The following CACNA2D1 variants were observed in gnomAD, a reference collection of about 807,000 sequenced individuals.
The protein encoded by CACNA2D1 is calcium voltage-gated channel auxiliary subunit alpha2delta 1, also known as voltage-dependent calcium channel subunit alpha-2/delta-1.
Under a neutral mutation model 171.5 loss-of-function variants are expected in CACNA2D1, and 53 were observed. That is an observed-to-expected ratio of 0.31 (90% confidence interval 0.25 to 0.39). The LOEUF is 0.39. CACNA2D1 is among the 10% of genes least tolerant of loss of function. CACNA2D1 has a pLI of 1.00. For synonymous variants in CACNA2D1, 442 were observed against 443.1 expected, an observed-to-expected ratio of 1.00 and a Z score of 0.03; for missense variants, 903 against 1,299.8, an observed-to-expected ratio of 0.69 and a Z score of 4.69.
At chr7:82,295,294 A>C (rs1474154047) in intron 3 of CACNA2D1, among the ~76,000 whole-genome samples, 2 of 152,126 alleles carry the variant, frequency 1.3e-5, no homozygotes, top group African/African-American at 4.8e-5. Context: ...GAGTATAATT[A>C]ATAACAATTT....
At chr7:82,253,490 C>T (rs1443146049) in intron 3 of CACNA2D1, among the ~76,000 whole-genome samples, 2 of 152,114 alleles carry the variant, frequency 1.3e-5, no homozygotes, top group African/African-American at 2.4e-5. Context: ...ATGAGAAAAA[C>T]TGGCTCTGGA....
chr7:81,951,838 C>T lies in CACNA2D1; in HGVS notation c.3160-1330G>A, dbSNP rs138944737. Among the ~76,000 whole-genome samples the T allele has an allele frequency of 5.7e-3, 869 of 152,030 alleles. 4 individuals are homozygous for T. The highest frequency in any genetic ancestry group is 9.4e-3 in the Non-Finnish European group (640 of 67,958). On this transcript the variant is annotated intron_variant, in intron 38 of 38. Transcript: ENST00000356860. ...CTTTTTCATAAAATGACTTCTTTTC[C>T]TCAGGGTAGATACACAGCAGTGGGA...
At chr7:82,129,161 C>A (rs1254595082) in intron 5 of CACNA2D1, among the ~76,000 whole-genome samples, 1 of 152,132 alleles carries the variant, frequency 6.6e-6, no homozygotes, top group African/African-American at 2.4e-5. Flanking sequence ...TCCTAAGCAA[C>A]CAAACTAAAT....
intron 10 of CACNA2D1, among the ~76,000 whole-genome samples, chr7:82,052,233 T>C (rs1032979299): frequency 6.6e-6 from 1 of 152,138 alleles, no homozygotes; most frequent in Non-Finnish European, 1.5e-5. Context: ...AAGTTAACTA[T>C]AGAACCACTC....
At chr7:82,260,197 G>A (rs1806893493) in intron 3 of CACNA2D1, among the ~76,000 whole-genome samples, 1 of 152,000 alleles carries the variant, frequency 6.6e-6, no homozygotes, top group Non-Finnish European at 1.5e-5. Context: ...ACTCCAGGCT[G>A]GGTAACAAGA....
chr7:81,984,749 C>A, intron 21 of CACNA2D1, 38 bp from the exon 22 acceptor site: 1 of 1,056,098 alleles, frequency 9.5e-7, no homozygotes, highest in Non-Finnish European at 1.4e-6. Flanking sequence ...CACAAACAAA[C>A]AAAAATGAAA....
intron 25 of CACNA2D1, among the ~76,000 whole-genome samples, chr7:81,973,652 T>C (rs949994724): frequency 4.6e-5 from 7 of 152,074 alleles, no homozygotes; most frequent in Non-Finnish European, 1.0e-4. Context: ...TATGTGTACT[T>C]ATTCTTTTTT....
Position 81,948,800 on chromosome 7 carries a change from A to G in CACNA2D1, c.*1592T>C, listed in dbSNP as rs1025009559. The G allele has an allele frequency of 1.3e-5, 2 of 152,114 alleles. No homozygotes were observed. The highest frequency in any genetic ancestry group is 2.4e-5 in the African/African-American group (1 of 41,566). 9.4% of individuals were successfully genotyped at this position (152,114 alleles called of 1,614,324 possible). ...TAACTATTCTTAGAATTACACATTCATAGTTTTTACCTTTTCTTCAAATAC... is the reference window on the plus strand; with the variant it reads ...TAACTATTCTTAGAATTACACATTCGTAGTTTTTACCTTTTCTTCAAATAC... On this transcript the variant is annotated 3_prime_UTR_variant, in exon 39 of 39. Coordinates refer to ENST00000356860, the MANE Select transcript of CACNA2D1 (RefSeq NM_000722.4).
At chr7:82,019,589 CT>C (rs1800938156) in intron 12 of CACNA2D1, among the ~76,000 whole-genome samples, 2 of 152,126 alleles carry the variant, frequency 1.3e-5, no homozygotes, top group Admixed American at 1.3e-4. Context: ...CTGACTTCTG[CT>C]AATCTGTTTT....
intron 5 of CACNA2D1, 137 bp downstream of exon 5, chr7:82,136,498 C>A: frequency 1.6e-6 from 1 of 608,984 alleles, no homozygotes; most frequent in South Asian, 2.1e-5. Flanking sequence ...TTCATTATCT[C>A]GTATCTAACT....
Position 81,959,808 on chromosome 7 carries a change from A to T in CACNA2D1, c.2988T>A (p.Leu996=). ...TTATGAATATTAAGTTGGTGTTCAT[A>T]AGCTTTTCTCCATGAAAGATTCTGC... ...NCSRIFHGEK[L]MNTNLIFIMV... Residue 996 remains leucine (L), a synonymous_variant, in exon 37 of 39, where the codon CTT becomes CTA. Coordinates refer to ENST00000356860, the MANE Select transcript of CACNA2D1 (RefSeq NM_000722.4). 1 of 1,612,406 alleles carries T rather than the reference A, an allele frequency of 6.2e-7. No individual in the cohort carries two copies. The highest frequency in any genetic ancestry group is 8.5e-7 in the Non-Finnish European group (1 of 1,178,990).
intron 1 of CACNA2D1, among the ~76,000 whole-genome samples, chr7:82,414,141 C>CCATT (rs1296594560): frequency 6.6e-6 from 1 of 152,074 alleles, no homozygotes; most frequent in African/African-American, 2.4e-5. Flanking sequence ...CTCAAGCAGC[C>CCATT]CATTCACCAA....
At chr7:82,143,337 C>T (rs1312240566) in intron 4 of CACNA2D1, among the ~76,000 whole-genome samples, 1 of 152,048 alleles carries the variant, frequency 6.6e-6, no homozygotes, top group African/African-American at 2.4e-5. Flanking sequence ...CAGTGCATGG[C>T]ACACAATATA....
At chr7:82,386,668 G>A (rs1173369329) in intron 1 of CACNA2D1, among the ~76,000 whole-genome samples, 1 of 151,906 alleles carries the variant, frequency 6.6e-6, no homozygotes, top group Non-Finnish European at 1.5e-5. Context: ...GAGAGGCGGA[G>A]GTTGTGGTGA....
intron 3 of CACNA2D1, among the ~76,000 whole-genome samples, chr7:82,258,817 CTTTTT>C (rs201927487): frequency 2.8e-5 from 2 of 72,618 alleles, no homozygotes; most frequent in Non-Finnish European, 5.2e-5. Context: ...TCTTACTTTT[CTTTTT>C]TTTTTTTTTT....
chr7:82,017,656 T>A (rs1417324089), intron 12 of CACNA2D1, among the ~76,000 whole-genome samples: 2 of 152,080 alleles, frequency 1.3e-5, no homozygotes, highest in African/African-American at 2.4e-5. Flanking sequence ...TTAACCTTAA[T>A]TTTGGAGTTA....
intron 1 of CACNA2D1, among the ~76,000 whole-genome samples, chr7:82,377,637 C>A (rs1320766046): frequency 2.6e-5 from 4 of 152,276 alleles, no homozygotes; most frequent in Middle Eastern, 3.4e-3. Flanking sequence ...TCAAGAGTCA[C>A]TGTGATTAGA....
chr7:82,425,831 T>G (rs1829119377), intron 1 of CACNA2D1, among the ~76,000 whole-genome samples: 1 of 151,142 alleles, frequency 6.6e-6, no homozygotes, highest in African/African-American at 2.4e-5. Context: ...AATGCCTTTA[T>G]GAAGATTCTG....
intron 6 of CACNA2D1, among the ~76,000 whole-genome samples, chr7:82,105,780 T>C (rs1787686247): frequency 6.6e-6 from 1 of 152,124 alleles, no homozygotes; most frequent in Non-Finnish European, 1.5e-5. Context: ...TTCAATCACA[T>C]GGCAATCTAG....
Sources: allele counts gnomAD v4.1 joint callset (sites outside exome capture counted in the v4.1 genomes callset), GRCh38; gene constraint gnomAD v4.1.1; transcripts MANE v1.5; gene names NCBI Gene and HGNC (gene_info 2026-07-23, HGNC 2026-07-21).